PLEKHA7: variants seen among roughly 807,000 people sequenced by gnomAD.
PLEKHA7 encodes the protein pleckstrin homology domain-containing family A member 7.
PLEKHA7 carries 104 observed loss-of-function variants against 170.0 expected under a neutral mutation model. The ratio of observed to expected loss-of-function variants is 0.61; its 90% confidence interval spans 0.52 to 0.72. PLEKHA7 has a LOEUF of 0.72. Ranked by LOEUF, PLEKHA7 falls within the 30% of genes least tolerant of loss-of-function variation. PLEKHA7 has a pLI of 0.00. For synonymous variants in PLEKHA7, 648 were observed against 660.8 expected (o/e 0.98, Z 0.30); for missense variants, 1,615 against 1,671.7 (o/e 0.97, Z 0.59).
chr11:16,821,233 C>T (rs1850192547), intron 10 of PLEKHA7, among the ~76,000 whole-genome samples: 1 of 152,200 alleles, frequency 6.6e-6, no homozygotes, highest in Non-Finnish European at 1.5e-5. Flanking sequence ...CCAGATCAAT[C>T]ACACAGGACT....
chr11:16,947,577 C>T (rs181957997), intron 3 of PLEKHA7, among the ~76,000 whole-genome samples: 4 of 136,574 alleles, frequency 2.9e-5, no homozygotes, highest in South Asian at 2.3e-4. Context: ...AGCGAGAGAG[C>T]GAGACTCCAC....
chr11:16,841,378 T>C (rs1433585829), intron 9 of PLEKHA7, among the ~76,000 whole-genome samples, 169 bp downstream of exon 9: 1 of 152,106 alleles, frequency 6.6e-6, no homozygotes. Flanking sequence ...CAGGGAGTCA[T>C]TTCACCCTTC....
chr11:16,849,201 T>C (rs760834822), intron 8 of PLEKHA7, among the ~76,000 whole-genome samples: 1 of 152,168 alleles, frequency 6.6e-6, no homozygotes, highest in Non-Finnish European at 1.5e-5. Context: ...AAGAAAAATG[T>C]TGAGAAAAGA....
intron 3 of PLEKHA7, among the ~76,000 whole-genome samples, chr11:16,880,505 T>C (rs1269115148): frequency 1.3e-5 from 2 of 152,254 alleles, no homozygotes; most frequent in Non-Finnish European, 2.9e-5. Flanking sequence ...TAGAGTTGTT[T>C]TGCCTTTTTC....
chr11:16,918,846 C>G (rs1318284754), intron 3 of PLEKHA7, among the ~76,000 whole-genome samples: 1 of 152,010 alleles, frequency 6.6e-6, no homozygotes, highest in African/African-American at 2.4e-5. Flanking sequence ...CTTTGATGTT[C>G]TAGTTATATT....
Position 16,825,826 on chromosome 11 carries a change from G to A in PLEKHA7, c.1343+294C>T, listed in dbSNP as rs923448845. Among the ~76,000 whole-genome samples, 16 of 152,322 alleles carry A rather than the reference G, an allele frequency of 1.1e-4. No homozygotes were observed. In the East Asian group the frequency reaches 2.1e-3, roughly 20 times the overall value. On this transcript the variant is annotated intron_variant, in intron 10 of 26. Transcript: ENST00000531066. The stretch of plus-strand genomic sequence containing the variant: ...CTCAAGGCATTCTCTCTGAGGAGCC[G>A]AAGAGACTCTGGTGTAATCGCATGG...
chr11:16,891,429 C>A (rs1207001977), intron 3 of PLEKHA7, among the ~76,000 whole-genome samples: 1 of 152,114 alleles, frequency 6.6e-6, no homozygotes, highest in African/African-American at 2.4e-5. Context: ...TGGAATGGAA[C>A]CAACTCTGTA....
chr11:17,003,062 G>A (rs1287587174), intron 3 of PLEKHA7, among the ~76,000 whole-genome samples: 2 of 140,770 alleles, frequency 1.4e-5, no homozygotes, highest in East Asian at 2.0e-4. Context: ...GCGCAATTTC[G>A]GCTCACTGCA....
At position 16,782,835 on chromosome 11, in the gene PLEKHA7, G is replaced by T. The variant is rs1849137186; in HGVS notation, c.3712C>A (p.Gln1238Lys). 1.3e-6 allele frequency: 2 copies of T among 1,536,064 alleles called. No homozygotes were observed. The highest frequency in any genetic ancestry group is 1.7e-6 in the Non-Finnish European group (2 of 1,146,922). ...DQNSVADLDL[Q>K]LQEQERIINI... The stretch of plus-strand genomic sequence containing the variant: ...ATGATGCGCTCCTGCTCCTGCAGCT[G>T]CAAGTCCAGGTCAGCCACACTGTTC... The change falls in exon 26 of 27, where the codon CAG (glutamine) becomes AAG (lysine). Residue 1238 changes from glutamine to lysine, a missense_variant. Physicochemically the swap from Gln to Lys is moderately conservative, Grantham distance 53. Transcript: ENST00000531066.
chr11:16,928,609 T>G (rs1433113005), intron 3 of PLEKHA7, among the ~76,000 whole-genome samples: 1 of 152,008 alleles, frequency 6.6e-6, no homozygotes, highest in Non-Finnish European at 1.5e-5. Context: ...TGTGCCACCA[T>G]GCCCAGCTAA....
Position 16,782,907 on chromosome 11 carries a change from G to T in PLEKHA7, c.3651-11C>A. Reference sequence around the variant, plus strand: ...TGTAGGTTGCACATGCTGTAGGAGGGTCGGAAGCAGACCATGGGCCCTCCT... The same window carrying T: ...TGTAGGTTGCACATGCTGTAGGAGGTTCGGAAGCAGACCATGGGCCCTCCT... On this transcript the variant is annotated splice_polypyrimidine_tract_variant and intron_variant, in intron 25 of 26. Coordinates refer to ENST00000531066, the MANE Select transcript of PLEKHA7 (RefSeq NM_001329630.2). 6.5e-7 allele frequency: 1 copy of T among 1,535,522 alleles called. No homozygotes were observed. The highest frequency in any genetic ancestry group is 8.7e-7 in the Non-Finnish European group (1 of 1,146,396).
intron 3 of PLEKHA7, among the ~76,000 whole-genome samples, chr11:16,936,706 C>A (rs1860330006): frequency 6.6e-6 from 1 of 152,224 alleles, no homozygotes; most frequent in African/African-American, 2.4e-5. Context: ...AACACATTCA[C>A]CATGTGCAGA....
intron 9 of PLEKHA7, among the ~76,000 whole-genome samples, chr11:16,828,352 T>A (rs938397927): frequency 6.6e-6 from 1 of 152,216 alleles, no homozygotes; most frequent in Non-Finnish European, 1.5e-5. Context: ...CCTGCCATCA[T>A]GCAAAGAAGG....
chr11:16,923,814 C>G (rs1326387003), intron 3 of PLEKHA7, among the ~76,000 whole-genome samples: 1 of 152,206 alleles, frequency 6.6e-6, no homozygotes, highest in African/African-American at 2.4e-5. Context: ...AGAATGTCAA[C>G]TTCCAAGACA....
intron 13 of PLEKHA7, 100 bp downstream of exon 13, chr11:16,813,013 T>C: frequency 2.1e-6 from 2 of 953,630 alleles, no homozygotes; most frequent in Non-Finnish European, 3.4e-6. Flanking sequence ...TCAGATTGGA[T>C]AAGACCTGTC....
At chr11:16,953,876 C>G (rs1156923410) in intron 3 of PLEKHA7, among the ~76,000 whole-genome samples, 1 of 152,184 alleles carries the variant, frequency 6.6e-6, no homozygotes, top group African/African-American at 2.4e-5. Context: ...CCTTAAGAAA[C>G]TGGTAAGACA....
intron 12 of PLEKHA7, 26 bp from the exon 13 acceptor site, chr11:16,813,192 A>C: frequency 6.2e-7 from 1 of 1,605,760 alleles, no homozygotes; most frequent in South Asian, 1.1e-5. Flanking sequence ...AGAGGAAAAA[A>C]CACAGTTATG....
intron 9 of PLEKHA7, among the ~76,000 whole-genome samples, chr11:16,839,902 T>C (rs1851817515): frequency 6.6e-6 from 1 of 152,126 alleles, no homozygotes; most frequent in African/African-American, 2.4e-5. Context: ...ACAGTGACTG[T>C]TGGGGACTAG....
chr11:16,949,926 A>G (rs1861295291), intron 3 of PLEKHA7, among the ~76,000 whole-genome samples: 2 of 152,036 alleles, frequency 1.3e-5, no homozygotes, highest in African/African-American at 2.4e-5. Flanking sequence ...GAAACTGGTC[A>G]AGAAAGTCAA....
Sources: gnomAD v4.1 joint callset for allele counts (sites outside exome capture counted in the v4.1 genomes callset) on GRCh38, gnomAD v4.1.1 for gene constraint, MANE v1.5 for transcripts, NCBI Gene and HGNC (gene_info 2026-07-23, HGNC 2026-07-21) for gene names.